Variants in BIVM observed in about 807,000 individuals in gnomAD.
The protein encoded by BIVM is basic immunoglobulin-like variable motif-containing protein.
BIVM carries 31 observed loss-of-function variants against 61.4 expected under a neutral mutation model. That is an observed-to-expected ratio of 0.51 (90% CI 0.38 to 0.68). The LOEUF is 0.68. Ranked by LOEUF, BIVM falls within the 30% of genes least tolerant of loss-of-function variation. The probability of loss-of-function intolerance (pLI) is 0.00; values close to 1 mark genes in which losing one functional copy is unlikely to be tolerated. For missense variants in BIVM, 526 were observed against 596.0 expected (o/e 0.88, Z 1.22); for synonymous variants, 189 against 210.7 (o/e 0.90, Z 0.89).
Position 102,807,465 on chromosome 13 carries a change from T to G in BIVM, c.198T>G (p.Ile66Met). 5 of 1,614,152 alleles carry G rather than the reference T, an allele frequency of 3.1e-6. No homozygotes were observed. The highest frequency in any genetic ancestry group is 4.5e-5 in the East Asian group (2 of 44,878). The change falls in exon 3 of 11, where the codon ATT becomes ATG. Residue 66 changes from isoleucine (I) to methionine (M), a missense_variant. Ile to Met is a conservative substitution (Grantham distance 10). Transcript: ENST00000257336. The surrounding 1 kb of genome is among the most constrained non-coding windows in gnomAD (Gnocchi z 4.0). ...SCPVTHTREK[I>M]YAICSDYAFL... Reference sequence around the variant, plus strand: ...CAGTGACTCATACACGGGAAAAAATTTATGCCATCTGTTCGGACTATGCCT... The same window carrying G: ...CAGTGACTCATACACGGGAAAAAATGTATGCCATCTGTTCGGACTATGCCT...
intron 9 of BIVM, 79 bp from the exon 10 acceptor site, chr13:102,838,564 C>A: frequency 1.6e-6 from 2 of 1,217,820 alleles, no homozygotes; most frequent in African/African-American, 1.5e-5. Context: ...ATTGCAGCAA[C>A]TTGCTCATGA....
chr13:102,839,453 G>A (rs997742727), intron 10 of BIVM, 119 bp from the exon 11 acceptor site: 55 of 1,340,572 alleles, frequency 4.1e-5, no homozygotes, highest in Non-Finnish European at 5.4e-5. Flanking sequence ...TGCCTGGAAG[G>A]AAAGTACCAT....
In BIVM at chr13:102,811,926, A is replaced by G. The variant is rs143424413; in HGVS notation, c.478+4181A>G. ...GTTTATATTCATGTTTTTTAAATCA[A>G]ATTTGGAAAGTTTTTAGGCATTATT... On this transcript the variant is annotated intron_variant, in intron 3 of 10. Transcript: ENST00000257336. Among the ~76,000 whole-genome samples the G allele has an allele frequency of 5.4e-3, 825 of 152,264 alleles. 8 individuals are homozygous for G. The highest frequency in any genetic ancestry group is 0.019 in the African/African-American group (788 of 41,558).
intron 3 of BIVM, among the ~76,000 whole-genome samples, chr13:102,809,977 G>T (rs1202772426): frequency 6.6e-6 from 1 of 151,970 alleles, no homozygotes; most frequent in Non-Finnish European, 1.5e-5. Flanking sequence ...AGTAGGGTCG[G>T]GGTTTCACCG....
intron 3 of BIVM, among the ~76,000 whole-genome samples, chr13:102,811,064 A>G (rs1267194872): frequency 6.6e-6 from 1 of 152,228 alleles, no homozygotes. Context: ...ATAATTTCTC[A>G]AAAATGTATT....
chr13:102,834,721 T>C, intron 9 of BIVM, among the ~76,000 whole-genome samples, 169 bp downstream of exon 9: 1 of 152,242 alleles, frequency 6.6e-6, no homozygotes, highest in East Asian at 1.9e-4. Context: ...TCTCACTCTC[T>C]ACTCCTATCA....
chr13:102,834,561 A>C lies in BIVM; in HGVS notation c.1121+9A>C. ...GCCATTCACTGTAAAAAGTATGTTA[A>C]CTTCCCTTTATTTTCTTTAATTGAG... On this transcript the variant is annotated intron_variant, in intron 9 of 10. Coordinates refer to ENST00000257336, the MANE Select transcript of BIVM (RefSeq NM_017693.4). The C allele has an allele frequency of 6.4e-7, 1 of 1,571,400 alleles. No homozygotes were observed. Among genetic ancestry groups the C allele is most frequent in the African/African-American group, 1.4e-5 (1 of 72,230 alleles).
chr13:102,821,985 C>T (rs1880327520), intron 6 of BIVM, 80 bp from the exon 7 acceptor site: 1 of 1,567,742 alleles, frequency 6.4e-7, no homozygotes. Context: ...TTGGGCTATG[C>T]CTGAATTTCT....
At chr13:102,800,498 C>T (rs1462511216) in intron 1 of BIVM, 1 of 152,198 alleles carries the variant, frequency 6.6e-6, no homozygotes, top group Non-Finnish European at 1.5e-5. Flanking sequence ...AGCCGCGCTC[C>T]TTCCTCTCTG....
At chr13:102,809,772 C>T (rs1435836648) in intron 3 of BIVM, among the ~76,000 whole-genome samples, 3 of 145,346 alleles carry the variant, frequency 2.1e-5, no homozygotes, top group Non-Finnish European at 4.5e-5. Context: ...AAATCTCTTT[C>T]CTTTTCTTTT....
chr13:102,828,051 C>T (rs561088225), intron 7 of BIVM, among the ~76,000 whole-genome samples: 10 of 152,264 alleles, frequency 6.6e-5, no homozygotes, highest in Middle Eastern at 6.8e-3. Context: ...ATGGGCTTTA[C>T]GTTTTCCTGG....
chr13:102,835,058 A>G (rs998650776), intron 9 of BIVM, among the ~76,000 whole-genome samples: 3 of 152,138 alleles, frequency 2.0e-5, no homozygotes, highest in Non-Finnish European at 4.4e-5. Context: ...TAAAAATTTT[A>G]TTAAAATATA....
chr13:102,828,315 G>A (rs1246630955), intron 7 of BIVM, among the ~76,000 whole-genome samples: 5 of 151,952 alleles, frequency 3.3e-5, no homozygotes, highest in Admixed American at 6.5e-5. Context: ...TTTGCACCAG[G>A]CAAGTCCAGA....
intron 7 of BIVM, among the ~76,000 whole-genome samples, chr13:102,824,750 T>C (rs1341584094): frequency 6.6e-6 from 1 of 152,150 alleles, no homozygotes; most frequent in Admixed American, 6.5e-5. Flanking sequence ...TTTTGAACTT[T>C]TAAAAATTTT....
In BIVM at chr13:102,807,626, T is replaced by C; in HGVS notation, c.359T>C (p.Ile120Thr). ...IGIPTSTSEIIYNEENSLENL... is the reference protein window; with the variant it reads ...IGIPTSTSEITYNEENSLENL... ...ATCCCGACTAGTACATCGGAAATTA[T>C]CTACAATGAAGAAAATAGCTTGGAA... Residue 120 changes from isoleucine to threonine, a missense_variant, in exon 3 of 11, where the codon ATC (isoleucine) becomes ACC (threonine). Ile to Thr is a moderately conservative substitution (Grantham distance 89). Transcript: ENST00000257336. The surrounding 1 kb of genome is among the most constrained non-coding windows in gnomAD (Gnocchi z 4.0). 6.2e-7 allele frequency: 1 copy of C among 1,614,188 alleles called. No individual in the cohort carries two copies. Among genetic ancestry groups the C allele is most frequent in the Non-Finnish European group, 8.5e-7 (1 of 1,180,044 alleles).
chr13:102,821,934 A>G, intron 6 of BIVM, 87 bp downstream of exon 6: 1 of 1,540,504 alleles, frequency 6.5e-7, no homozygotes, highest in Non-Finnish European at 8.9e-7. Context: ...TAAACCATGT[A>G]TCCAGCTGCT....
rs150419557 is a variant in BIVM at position 102,838,706 on chromosome 13, A to G, written c.1185A>G (p.Leu395=). The G allele has an allele frequency of 9.5e-5, 153 of 1,613,502 alleles. 1 individual carries two copies. The highest frequency in any genetic ancestry group is 1.2e-4 in the Non-Finnish European group (141 of 1,179,720). The change falls in exon 10 of 11, where the codon TTA becomes TTG. Residue 395 remains leucine (L), a synonymous_variant. Transcript: ENST00000257336. ...CAGAATACCTGGATATCCGGCACTT[A>G]GAGAGGGGACTGCAGTATAGAAAAA... ...QNPEYLDIRH[L]ERGLQYRKTK...
chr13:102,840,349 T>C lies in BIVM; in HGVS notation c.*484T>C, dbSNP rs1881740252. The C allele has an allele frequency of 6.5e-6, 1 of 152,938 alleles. No homozygotes were observed. The highest frequency in any genetic ancestry group is 6.5e-5 in the Admixed American group (1 of 15,316). 9.5% of individuals were successfully genotyped at this position (152,938 alleles called of 1,614,324 possible). A position where few individuals can be genotyped will look rare whatever the true frequency, so the allele number is the denominator to read the frequency against. ...ACTCATGGTTAACACGCATTTAAAA[T>C]TATTTCATGAGTCTAGTAGTTCTTT... On this transcript the variant is annotated 3_prime_UTR_variant, in exon 11 of 11. Transcript: ENST00000257336.
chr13:102,823,780 A>T (rs1458791417), intron 7 of BIVM, among the ~76,000 whole-genome samples: 1 of 152,170 alleles, frequency 6.6e-6, no homozygotes, highest in African/African-American at 2.4e-5. Context: ...TTTTATTCTA[A>T]AATATGTAGT....
Sources: allele counts gnomAD v4.1 joint callset (sites outside exome capture counted in the v4.1 genomes callset), GRCh38; gene constraint gnomAD v4.1.1; non-coding constraint Gnocchi (gnomAD v3.1); transcripts MANE v1.5; gene names NCBI Gene and HGNC (gene_info 2026-07-23, HGNC 2026-07-21).